ZNF596: variants seen among roughly 807,000 people sequenced by gnomAD.
The protein encoded by ZNF596 is zinc finger protein 596.
In ZNF596, 45 loss-of-function variants were observed where a neutral mutation model predicts 48.3. The ratio of observed to expected loss-of-function variants is 0.93; its 90% CI spans 0.73 to 1.19. The LOEUF (loss-of-function observed/expected upper bound fraction) is 1.19. ZNF596 is among the 50% of genes most tolerant of loss of function. The pLI, the probability that ZNF596 is intolerant of heterozygous loss-of-function variation, is 0.00. For missense variants in ZNF596, 848 were observed against 599.7 expected, an observed-to-expected ratio of 1.41 and a Z score of -4.32; for synonymous variants, 270 against 202.0, an observed-to-expected ratio of 1.34 and a Z score of -2.85.
chr8:245,482 G>C lies in ZNF596; in HGVS notation c.635G>C (p.Arg212Pro), dbSNP rs377137311. The C allele has an allele frequency of 3.7e-6, 6 of 1,614,042 alleles. No individual in the cohort carries two copies. Among genetic ancestry groups the C allele is most frequent in the East Asian group, 2.2e-5 (1 of 44,888 alleles). Residue 212 changes from arginine (R) to proline (P), a missense_variant, in exon 6 of 6, where the codon CGA becomes CCA. Physicochemically the swap from Arg to Pro is moderately radical, Grantham distance 103. Coordinates refer to ENST00000398612, the MANE Select transcript of ZNF596 (RefSeq NM_001042416.3). ...TTTAGCAAAAATTCTAATCTTAGGC[G>C]ACATGAGATGATTCACACTGGAGAG... is the stretch of plus-strand genomic sequence containing the variant. ...KTFSKNSNLR[R>P]HEMIHTGEKP...
intron 1 of ZNF596, chr8:234,437 C>T (rs1366803708): frequency 1.3e-5 from 2 of 152,092 alleles, no homozygotes; most frequent in Non-Finnish European, 2.9e-5. Flanking sequence ...AGTTATGCCC[C>T]CATATATGTG....
intron 4 of ZNF596, 87 bp from the exon 5 acceptor site, chr8:244,532 A>C: frequency 1.1e-6 from 1 of 871,148 alleles, no homozygotes; most frequent in South Asian, 1.5e-5. Flanking sequence ...TGTGTATTTG[A>C]AACACACTCA....
In ZNF596 at chr8:247,327, A is replaced by G. The variant is rs1797130542; in HGVS notation, c.*965A>G. 1 of 152,222 alleles carries G rather than the reference A, an allele frequency of 6.6e-6. No homozygotes were observed. The highest frequency in any genetic ancestry group is 2.1e-4 in the South Asian group (1 of 4,828). 9.4% of individuals were successfully genotyped at this position (152,222 alleles called of 1,614,324 possible). On this transcript the variant is annotated 3_prime_UTR_variant, in exon 6 of 6. Coordinates refer to ENST00000398612, the MANE Select transcript of ZNF596 (RefSeq NM_001042416.3). ...TAAGAAGTAATAAGATTAAATTAGT[A>G]CTGTCAAAAATACAAGCATTAAGTG...
At chr8:236,604 T>C (rs1356088592) in intron 1 of ZNF596, among the ~76,000 whole-genome samples, 1 of 152,208 alleles carries the variant, frequency 6.6e-6, no homozygotes, top group Admixed American at 6.5e-5. Context: ...AGATTTTATA[T>C]TATTTTTAAA....
intron 4 of ZNF596, chr8:244,398 G>A (rs1026279426): frequency 5.5e-6 from 3 of 542,906 alleles, no homozygotes; most frequent in Non-Finnish European, 6.4e-6. Context: ...CCTCTTCTTT[G>A]AAAATTTTTC....
intron 3 of ZNF596, 123 bp from the exon 4 acceptor site, chr8:243,599 A>G: frequency 3.7e-6 from 3 of 808,322 alleles, no homozygotes; most frequent in Non-Finnish European, 6.0e-6. Context: ...TCTTCAAGGT[A>G]CTCTTCCCAG....
rs1797062585 is a variant in ZNF596, at chr8:245,951, TG to T, written c.1107del (p.Ala371HisfsTer132). ...GEKPHGCHLC[G>X]KAFTESSVLK... is the part of the protein sequence containing the mutation. ...AGAAACCACATGGATGTCATCTATGTGGGAAAGCATTCACTGAATCTTCTGT... is the reference window on the plus strand; with the variant it reads ...AGAAACCACATGGATGTCATCTATGTGGAAAGCATTCACTGAATCTTCTGT... On this transcript the variant is annotated frameshift_variant, in exon 6 of 6. Transcript: ENST00000398612. LOFTEE classifies it high-confidence loss of function. 1 of 1,613,996 alleles carries T rather than the reference TG, an allele frequency of 6.2e-7. No homozygotes were observed. The highest frequency in any genetic ancestry group is 1.7e-5 in the Admixed American group (1 of 60,004).
chr8:237,843 A>G (rs539528971), intron 1 of ZNF596, among the ~76,000 whole-genome samples: 1 of 152,368 alleles, frequency 6.6e-6, no homozygotes, highest in Admixed American at 6.5e-5. Flanking sequence ...AACATACATT[A>G]AGCCCCTAGC....
chr8:239,396 C>A (rs1287431957), intron 1 of ZNF596, among the ~76,000 whole-genome samples: 1 of 152,088 alleles, frequency 6.6e-6, no homozygotes, highest in Non-Finnish European at 1.5e-5. Flanking sequence ...GGGGTTTCAC[C>A]AAGTTGGCCA....
chr8:243,653 T>C, intron 3 of ZNF596, 69 bp from the exon 4 acceptor site: 1 of 1,509,204 alleles, frequency 6.6e-7, no homozygotes, highest in Non-Finnish European at 9.2e-7. Context: ...TAGGCTGCCC[T>C]GTATCTGATA....
chr8:233,795 CT>C (rs1240682905), intron 1 of ZNF596: 1 of 152,206 alleles, frequency 6.6e-6, no homozygotes, highest in African/African-American at 2.4e-5. Context: ...AAGACAAATG[CT>C]TTTAATCAAT....
chr8:246,290 G>T lies in ZNF596; in HGVS notation c.1443G>T (p.Gly481=). Residue 481 remains glycine, a synonymous_variant, in exon 6 of 6, where the codon GGG becomes GGT. Coordinates refer to ENST00000398612, the MANE Select transcript of ZNF596 (RefSeq NM_001042416.3). The stretch of plus-strand genomic sequence containing the variant: ...AACCATATGTATGTCCTCTATGTGG[G>T]AAAGCCTTTAGTAAATTTTTTAACC... ...GEKPYVCPLC[G]KAFSKFFNLR... 1 of 1,608,488 alleles carries T rather than the reference G, an allele frequency of 6.2e-7. No individual in the cohort carries two copies. Among genetic ancestry groups the T allele is most frequent in the Non-Finnish European group, 8.5e-7 (1 of 1,178,476 alleles).
chr8:246,408 A>G lies in ZNF596; in HGVS notation c.*46A>G, dbSNP rs200225663. 6 of 1,525,204 alleles carry G rather than the reference A, an allele frequency of 3.9e-6. No homozygotes were observed. In the African/African-American group the frequency reaches 5.6e-5, roughly 14 times the overall value. 94.5% of individuals were successfully genotyped at this position (1,525,204 alleles called of 1,614,324 possible). A position where few individuals can be genotyped will look rare whatever the true frequency, so the allele number is the denominator to read the frequency against. On this transcript the variant is annotated 3_prime_UTR_variant, in exon 6 of 6. Coordinates refer to ENST00000398612, the MANE Select transcript of ZNF596 (RefSeq NM_001042416.3). ...AACACTAAATACACCAAGGACAAAC[A>G]TACTACAGGAATATTATGTCTGTAA...
intron 1 of ZNF596, among the ~76,000 whole-genome samples, chr8:239,964 G>T (rs1367618378): frequency 6.6e-6 from 1 of 152,104 alleles, no homozygotes. Flanking sequence ...AAGTTCCAAG[G>T]CATTACGAGC....
At chr8:232,903 C>T (rs938203111) in intron 1 of ZNF596, 6 of 468,560 alleles carry the variant, frequency 1.3e-5, no homozygotes, top group South Asian at 7.7e-5. Flanking sequence ...GGTAGGGGAC[C>T]TGCCCGATCC....
chr8:233,836 G>C (rs1413037468), intron 1 of ZNF596: 1 of 152,222 alleles, frequency 6.6e-6, no homozygotes, highest in Non-Finnish European at 1.5e-5. Context: ...ACAAATCGCT[G>C]TTACTTAAGA....
intron 1 of ZNF596, among the ~76,000 whole-genome samples, chr8:236,417 CTT>C (rs922716782): frequency 1.3e-5 from 2 of 152,158 alleles, no homozygotes; most frequent in African/African-American, 4.8e-5. Flanking sequence ...CCTTTTCCCT[CTT>C]GTTTTGGTCC....
In ZNF596 at chr8:242,963, A is replaced by G; in HGVS notation, c.89A>G (p.Lys30Arg). 1 of 1,612,290 alleles carries G rather than the reference A, an allele frequency of 6.2e-7. No individual in the cohort carries two copies. The highest frequency in any genetic ancestry group is 2.2e-5 in the East Asian group (1 of 44,818). ...EWALLDTSQR[K>R]LFQDVMLENI... ...GCCCTGCTGGACACATCCCAGAGAA[A>G]GCTGTTTCAAGATGTGATGTTGGAG... The change falls in exon 3 of 6, where the codon AAG becomes AGG. Residue 30 changes from lysine to arginine, a missense_variant. Lys to Arg is a conservative substitution (Grantham distance 26). Coordinates refer to ENST00000398612, the MANE Select transcript of ZNF596 (RefSeq NM_001042416.3).
Position 242,956 on chromosome 8 carries a change from C to A in ZNF596, c.82C>A (p.Gln28Lys). 1 of 1,612,064 alleles carries A rather than the reference C, an allele frequency of 6.2e-7. No individual in the cohort carries two copies. The highest frequency in any genetic ancestry group is 8.5e-7 in the Non-Finnish European group (1 of 1,178,544). ...AGAGTGGGCCCTGCTGGACACATCC[C>A]AGAGAAAGCTGTTTCAAGATGTGAT... The part of the protein sequence containing the change: ...QEEWALLDTS[Q>K]RKLFQDVMLE... Residue 28 changes from glutamine (Q) to lysine (K), a missense_variant, in exon 3 of 6, where the codon CAG (glutamine) becomes AAG (lysine). By Grantham distance (53) the Gln-to-Lys change is moderately conservative. Transcript: ENST00000398612.
Sources: allele counts gnomAD v4.1 joint callset (sites outside exome capture counted in the v4.1 genomes callset), GRCh38; gene constraint gnomAD v4.1.1; transcripts MANE v1.5; gene names NCBI Gene and HGNC (gene_info 2026-07-23, HGNC 2026-07-21).